The following RYR3 variants were observed in gnomAD, a reference collection of about 807,000 sequenced individuals.
RYR3 encodes the protein ryanodine receptor 3.
RYR3 carries 207 observed loss-of-function variants against 584.3 expected under a neutral mutation model. The observed-to-expected ratio is 0.35, with a 90% CI of 0.32 to 0.40. RYR3 has a LOEUF of 0.40. Ranked by LOEUF, RYR3 falls within the 10% of genes least tolerant of loss-of-function variation. The pLI, the probability that RYR3 is intolerant of heterozygous loss-of-function variation, is 1.00. For synonymous variants in RYR3, 2,416 were observed against 2,248.5 expected, an observed-to-expected ratio of 1.07 and a Z score of -2.11; for missense variants, 5,616 against 6,089.2, an observed-to-expected ratio of 0.92 and a Z score of 2.59.
chr15:33,762,322 G>C (rs2072532150), intron 60 of RYR3, among the ~76,000 whole-genome samples: 1 of 152,168 alleles, frequency 6.6e-6, no homozygotes, highest in African/African-American at 2.4e-5. Flanking sequence ...AATCATCTCT[G>C]TTTGCAGATG....
chr15:33,601,699 G>A, intron 17 of RYR3, 147 bp downstream of exon 17: 1 of 800,972 alleles, frequency 1.2e-6, no homozygotes, highest in African/African-American at 1.7e-5. Context: ...CCAAGCAAAT[G>A]TGCATTTCCT....
At chr15:33,721,322 G>T (rs1209420251) in intron 43 of RYR3, among the ~76,000 whole-genome samples, 1 of 152,234 alleles carries the variant, frequency 6.6e-6, no homozygotes, top group Non-Finnish European at 1.5e-5. Flanking sequence ...GCCTTCGGAA[G>T]ACGGCAGCTG....
intron 43 of RYR3, among the ~76,000 whole-genome samples, chr15:33,717,004 T>C (rs557747925): frequency 3.1e-4 from 47 of 152,350 alleles, no homozygotes; most frequent in South Asian, 1.2e-3. Context: ...ACCTTCTGAC[T>C]TCAGGTTTCT....
chr15:33,597,761 G>A (rs1006036037), intron 16 of RYR3, among the ~76,000 whole-genome samples: 1 of 151,970 alleles, frequency 6.6e-6, no homozygotes, highest in Non-Finnish European at 1.5e-5. Flanking sequence ...TAGTTTAAGA[G>A]CTTTTATTTT....
intron 1 of RYR3, among the ~76,000 whole-genome samples, chr15:33,464,509 C>CACAT (rs2048332481): frequency 8.6e-6 from 1 of 116,810 alleles, no homozygotes; most frequent in Non-Finnish European, 1.9e-5. Context: ...TATATACATA[C>CACAT]ACATACACAT....
intron 1 of RYR3, among the ~76,000 whole-genome samples, chr15:33,470,180 G>A (rs564404745): frequency 2.3e-4 from 35 of 152,282 alleles, no homozygotes; most frequent in African/African-American, 7.5e-4. Flanking sequence ...GACAGAGGCT[G>A]GGTTTGAAAG....
chr15:33,612,869 C>T (rs1231089395), intron 18 of RYR3, among the ~76,000 whole-genome samples: 1 of 152,198 alleles, frequency 6.6e-6, no homozygotes, highest in Non-Finnish European at 1.5e-5. Flanking sequence ...AGACACCAGG[C>T]CACAGTCTGA....
chr15:33,768,692 A>G lies in RYR3; in HGVS notation c.8740A>G (p.Arg2914Gly). The G allele has an allele frequency of 1.2e-6, 2 of 1,613,992 alleles. No homozygotes were observed. Among genetic ancestry groups the G allele is most frequent in the Non-Finnish European group, 8.5e-7 (1 of 1,179,852 alleles). ...FCKLAALVRH[R>G]ISLFGSDSTT... Reference sequence around the variant, plus strand: ...CAAACTTGCCGCTCTCGTTAGACACAGAATTTCCCTCTTTGGTAAGTGAAG... The same window carrying G: ...CAAACTTGCCGCTCTCGTTAGACACGGAATTTCCCTCTTTGGTAAGTGAAG... The change falls in exon 61 of 104, where the codon AGA becomes GGA. Residue 2914 changes from arginine (R) to glycine (G), a missense_variant. By Grantham distance (125) the Arg-to-Gly change is moderately radical. Transcript: ENST00000634891.
intron 43 of RYR3, among the ~76,000 whole-genome samples, chr15:33,708,347 T>C (rs898169117): frequency 6.6e-6 from 1 of 152,214 alleles, no homozygotes; most frequent in Non-Finnish European, 1.5e-5. Flanking sequence ...TTGGTCACCT[T>C]CACAGTCAAG....
intron 42 of RYR3, among the ~76,000 whole-genome samples, chr15:33,702,483 A>C (rs2066379269): frequency 6.6e-6 from 1 of 152,198 alleles, no homozygotes; most frequent in South Asian, 2.1e-4. Context: ...GCCATTAATT[A>C]GATATCAGTT....
chr15:33,429,784 GTGAC>G (rs752462004), intron 1 of RYR3, among the ~76,000 whole-genome samples: 1 of 152,242 alleles, frequency 6.6e-6, no homozygotes, highest in Non-Finnish European at 1.5e-5. Flanking sequence ...GCTCATCTAA[GTGAC>G]TGGGTAGCAC....
At chr15:33,509,031 C>T (rs2052733657) in intron 3 of RYR3, among the ~76,000 whole-genome samples, 1 of 152,160 alleles carries the variant, frequency 6.6e-6, no homozygotes, top group African/African-American at 2.4e-5. Context: ...GAGTGCATGT[C>T]ATGAGATACA....
intron 1 of RYR3, among the ~76,000 whole-genome samples, chr15:33,333,660 TC>T (rs1490349495): frequency 6.6e-6 from 1 of 152,044 alleles, no homozygotes; most frequent in Non-Finnish European, 1.5e-5. Flanking sequence ...CTCTCACCAC[TC>T]CTATTCAGCG....
intron 1 of RYR3, among the ~76,000 whole-genome samples, chr15:33,353,340 A>G (rs1973530123): frequency 6.6e-6 from 1 of 152,200 alleles, no homozygotes; most frequent in South Asian, 2.1e-4. Flanking sequence ...TGCGCATAAA[A>G]GGGATTTTAG....
intron 1 of RYR3, among the ~76,000 whole-genome samples, chr15:33,353,857 C>T (rs1226585842): frequency 2.0e-5 from 3 of 152,020 alleles, no homozygotes; most frequent in Non-Finnish European, 4.4e-5. Context: ...TTTGTAACAC[C>T]TATGTGAAAG....
chr15:33,492,312 C>G (rs932352061), intron 2 of RYR3, among the ~76,000 whole-genome samples: 1 of 152,014 alleles, frequency 6.6e-6, no homozygotes, highest in Admixed American at 6.6e-5. Flanking sequence ...GAACTTTTTC[C>G]ATTTTGGAGA....
intron 60 of RYR3, among the ~76,000 whole-genome samples, 175 bp from the exon 61 acceptor site, chr15:33,768,483 C>A (rs4779644): frequency 6.2e-4 from 94 of 152,162 alleles, no homozygotes; most frequent in Non-Finnish European, 2.9e-4. Flanking sequence ...CAGTGTGAAC[C>A]ACACATGTTC....
intron 38 of RYR3, among the ~76,000 whole-genome samples, chr15:33,670,833 T>C (rs1487842432): frequency 2.0e-5 from 3 of 152,122 alleles, no homozygotes; most frequent in African/African-American, 7.2e-5. Context: ...TGTAAATACA[T>C]GTCTGTTCTT....
At chr15:33,627,191 A>G (rs2061035732) in intron 20 of RYR3, among the ~76,000 whole-genome samples, 1 of 152,208 alleles carries the variant, frequency 6.6e-6, no homozygotes, top group South Asian at 2.1e-4. Flanking sequence ...CGTGTTAGCC[A>G]TCTTCTAAGT....
Sources: gnomAD v4.1 joint callset for allele counts (sites outside exome capture counted in the v4.1 genomes callset) on GRCh38, gnomAD v4.1.1 for gene constraint, MANE v1.5 for transcripts, NCBI Gene and HGNC (gene_info 2026-07-23, HGNC 2026-07-21) for gene names.